Variants in PVALB observed in about 807,000 individuals in gnomAD.
The protein encoded by PVALB is parvalbumin alpha.
A neutral mutation model predicts 10.9 loss-of-function variants in PVALB; 11 were observed. The observed-to-expected ratio is 1.01, with a 90% CI of 0.63 to 1.67. The LOEUF is 1.67. Among genes scored for constraint, PVALB ranks in the 40% most tolerant of loss-of-function variants. PVALB has a pLI of 0.00. For missense variants in PVALB, 131 were observed against 136.2 expected (o/e 0.96, Z 0.19); for synonymous variants, 57 against 50.7 (o/e 1.12, Z -0.53).
At chr22:36,815,476 C>T (rs542193756) in intron 1 of PVALB, 15 of 531,430 alleles carry the variant, frequency 2.8e-5, no homozygotes, top group Admixed American at 9.7e-5. Context: ...CTCTCAAGCC[C>T]GCCCCCACGC....
At chr22:36,811,400 G>C (rs950487168) in intron 3 of PVALB, 1 of 450,296 alleles carries the variant, frequency 2.2e-6, no homozygotes, top group African/African-American at 2.0e-5. Flanking sequence ...TTACAGATGA[G>C]GAAGCTGGGG....
Position 36,817,025 on chromosome 22 carries a change from G to A in PVALB, c.-20C>T, listed in dbSNP as rs1421249025. The A allele has an allele frequency of 6.2e-7, 1 of 1,605,114 alleles. No individual in the cohort carries two copies. Among genetic ancestry groups the A allele is most frequent in the Non-Finnish European group, 8.5e-7 (1 of 1,175,654 alleles). On this transcript the variant is annotated 5_prime_UTR_variant, in exon 1 of 4. Transcript: ENST00000417718. ...CGACATCCTGCAACTGTTTGAGCGG[G>A]CAGAGCAAGTGCGAAAAGATTAAAA...
At chr22:36,816,835 G>A (rs917954771) in intron 1 of PVALB, 110 bp downstream of exon 1, 17 of 934,060 alleles carry the variant, frequency 1.8e-5, no homozygotes, top group African/African-American at 1.4e-4. Context: ...AGCGGGAAGT[G>A]TGGGCAGAAG....
intron 3 of PVALB, among the ~76,000 whole-genome samples, chr22:36,808,867 C>G (rs1939003894): frequency 6.6e-6 from 1 of 152,120 alleles, no homozygotes. Context: ...GCTTCTCTTT[C>G]CTTTTCAGCC....
Position 36,809,310 on chromosome 22 carries a change from G to C in PVALB, c.304+4336C>G, listed in dbSNP as rs191999448. 6.3e-4 allele frequency among the ~76,000 whole-genome samples: 96 copies of C among 152,262 alleles called. 1 individual carries two copies. The highest frequency in any genetic ancestry group is 2.2e-3 in the African/African-American group (90 of 41,540). Reference sequence around the variant, plus strand: ...CACTTTTCTTTTTCTCCCACTATGGGCCAGGCCCTATTCTAGGTGCTGGGA... The same window carrying C: ...CACTTTTCTTTTTCTCCCACTATGGCCCAGGCCCTATTCTAGGTGCTGGGA... On this transcript the variant is annotated intron_variant, in intron 3 of 3. Transcript: ENST00000417718.
At chr22:36,810,697 A>G (rs1939032460) in intron 3 of PVALB, among the ~76,000 whole-genome samples, 1 of 152,208 alleles carries the variant, frequency 6.6e-6, no homozygotes, top group Non-Finnish European at 1.5e-5. Context: ...TGAGGTAACC[A>G]AACCCAGCAC....
upstream of PVALB, chr22:36,818,291 G>T: frequency 6.6e-6 from 1 of 152,396 alleles, no homozygotes; most frequent in South Asian, 2.1e-4. Context: ...GGGCTGTGGT[G>T]GCCCTGGGTG....
intron 3 of PVALB, among the ~76,000 whole-genome samples, chr22:36,804,582 A>T (rs1938921751): frequency 1.3e-5 from 2 of 152,206 alleles, no homozygotes; most frequent in Non-Finnish European, 2.9e-5. Flanking sequence ...CCAGCCAATT[A>T]ACGAACAGGT....
chr22:36,806,752 C>T (rs2145947594), intron 3 of PVALB, among the ~76,000 whole-genome samples: 1 of 152,306 alleles, frequency 6.6e-6, no homozygotes, highest in South Asian at 2.1e-4. Context: ...CTGTACCAGG[C>T]ACCGCACGGT....
At chr22:36,802,298 AT>A (rs1938877612) in intron 3 of PVALB, among the ~76,000 whole-genome samples, 1 of 152,140 alleles carries the variant, frequency 6.6e-6, no homozygotes, top group Admixed American at 6.5e-5. Flanking sequence ...CACATGCTGT[AT>A]TGTAGAAATA....
intron 1 of PVALB, among the ~76,000 whole-genome samples, chr22:36,816,135 G>C (rs1476953114): frequency 6.6e-6 from 1 of 152,010 alleles, no homozygotes; most frequent in Non-Finnish European, 1.5e-5. Flanking sequence ...GACAAGGAAA[G>C]TTGCCCTGTC....
In PVALB at chr22:36,816,427, CA is replaced by C. The variant is rs200605811; in HGVS notation, c.61+517del. On this transcript the variant is annotated intron_variant, in intron 1 of 3. Transcript: ENST00000417718. ...GAGCTGTGCGCCGGCTCCAGAAGGT[CA>C]CCTCGCCCGCAGGTCCGTTGCTGAA... The C allele has an allele frequency of 3.3e-3, 510 of 153,212 alleles. 9 individuals are homozygous for C. Among genetic ancestry groups the C allele is most frequent in the Admixed American group, 0.027 (412 of 15,324 alleles). The allele number at this position is 153,212 out of a possible 1,614,324, so 9.5% of individuals were successfully genotyped here.
chr22:36,815,245 G>C lies in PVALB; in HGVS notation c.62-10C>G. On this transcript the variant is annotated splice_polypyrimidine_tract_variant and intron_variant, in intron 1 of 3. Coordinates refer to ENST00000417718, the MANE Select transcript of PVALB (RefSeq NM_001315532.2). Reference sequence around the variant, plus strand: ...TCGAAGGAGTCGGTAGCTGTGGGGGGAAGAGCAGGGTCAAACAAGGACCAG... The same window carrying C: ...TCGAAGGAGTCGGTAGCTGTGGGGGCAAGAGCAGGGTCAAACAAGGACCAG... 1 of 1,614,090 alleles carries C rather than the reference G, an allele frequency of 6.2e-7. No individual in the cohort carries two copies. Among genetic ancestry groups the C allele is most frequent in the Non-Finnish European group, 8.5e-7 (1 of 1,179,944 alleles).
At position 36,800,958 on chromosome 22, in the gene PVALB, G is replaced by A. The variant is rs747043542; in HGVS notation, c.305-40C>T. On this transcript the variant is annotated intron_variant, in intron 3 of 3. Coordinates refer to ENST00000417718, the MANE Select transcript of PVALB (RefSeq NM_001315532.2). Reference sequence around the variant, plus strand: ...GACAAGGAAAGTGAGTCAGAGGCGGGGATGCAAGAGAGACTGTCCACACCT... The same window carrying A: ...GACAAGGAAAGTGAGTCAGAGGCGGAGATGCAAGAGAGACTGTCCACACCT... 4 of 1,585,868 alleles carry A rather than the reference G, an allele frequency of 2.5e-6. 1 individual carries two copies. The highest frequency in any genetic ancestry group is 2.2e-5 in the South Asian group (2 of 90,382).
chr22:36,808,294 G>A (rs1938991383), intron 3 of PVALB, among the ~76,000 whole-genome samples: 1 of 152,234 alleles, frequency 6.6e-6, no homozygotes, highest in Non-Finnish European at 1.5e-5. Context: ...TTGGCACACA[G>A]GAAGTGGGGA....
chr22:36,812,796 C>T (rs1187821060), intron 3 of PVALB, among the ~76,000 whole-genome samples: 10 of 152,210 alleles, frequency 6.6e-5, no homozygotes, highest in African/African-American at 2.4e-4. Flanking sequence ...TTCTAAATCC[C>T]CACTCCACCG....
intron 3 of PVALB, chr22:36,811,543 T>C: frequency 2.1e-6 from 1 of 469,458 alleles, no homozygotes; most frequent in Non-Finnish European, 4.4e-6. Context: ...AGAGTTTAGT[T>C]GATGCCTTAA....
At chr22:36,806,104 A>G (rs1264542268) in intron 3 of PVALB, among the ~76,000 whole-genome samples, 2 of 152,246 alleles carry the variant, frequency 1.3e-5, no homozygotes, top group African/African-American at 4.8e-5. Flanking sequence ...TGCCTGGCAC[A>G]CAGTGGGAAT....
chr22:36,805,252 CT>C (rs965312777), intron 3 of PVALB, among the ~76,000 whole-genome samples: 3 of 152,100 alleles, frequency 2.0e-5, no homozygotes, highest in African/African-American at 7.2e-5. Flanking sequence ...GATGCTTCAC[CT>C]CACCTGTCAA....
Sources: allele counts gnomAD v4.1 joint callset (sites outside exome capture counted in the v4.1 genomes callset), GRCh38; gene constraint gnomAD v4.1.1; transcripts MANE v1.5; gene names NCBI Gene and HGNC (gene_info 2026-07-23, HGNC 2026-07-21).